The following PHC3 variants were observed in gnomAD, a reference collection of about 807,000 sequenced individuals.
PHC3 encodes polyhomeotic-like protein 3.
Under a neutral mutation model 107.4 loss-of-function variants are expected in PHC3, and 13 were observed. The observed-to-expected ratio is 0.12, with a 90% CI of 0.08 to 0.19. The LOEUF is 0.19. Among genes scored for constraint, PHC3 ranks in the 10% least tolerant of loss-of-function variants. The probability of loss-of-function intolerance (pLI) is 1.00; values close to 1 mark genes in which losing one functional copy is unlikely to be tolerated. For missense variants in PHC3, 992 were observed against 1,210.9 expected, an observed-to-expected ratio of 0.82 and a Z score of 2.68; for synonymous variants, 456 against 427.4, an observed-to-expected ratio of 1.07 and a Z score of -0.83.
At chr3:170,126,934 GTTTTTA>G (rs1721407954) in intron 8 of PHC3, among the ~76,000 whole-genome samples, 1 of 150,690 alleles carries the variant, frequency 6.6e-6, no homozygotes. Flanking sequence ...TTTTTTGTTT[GTTTTTA>G]TTTTTAAATT....
intron 14 of PHC3, among the ~76,000 whole-genome samples, chr3:170,099,069 AAGAT>A (rs1715037939): frequency 6.6e-6 from 1 of 152,158 alleles, no homozygotes; most frequent in African/African-American, 2.4e-5. Flanking sequence ...AAGAGAGAGA[AAGAT>A]AGGGTGGGAC....
At chr3:170,139,487 T>C (rs1315047120) in intron 6 of PHC3, among the ~76,000 whole-genome samples, 2 of 152,184 alleles carry the variant, frequency 1.3e-5, no homozygotes, top group Non-Finnish European at 2.9e-5. Context: ...CTGAAAAACC[T>C]GAAATGAAAA....
At position 170,151,333 on chromosome 3, in the gene PHC3, T is replaced by A. The variant is rs546522171; in HGVS notation, c.415-2089A>T. 2.0e-5 allele frequency among the ~76,000 whole-genome samples: 3 copies of A among 152,192 alleles called. No homozygotes were observed. In the South Asian group the frequency reaches 6.2e-4, roughly 32 times the overall value. The stretch of plus-strand genomic sequence containing the variant: ...AATATTTTATTAGAAAAAAGAATAC[T>A]TTATTGGACTTCTTATTCAAGCAAC... On this transcript the variant is annotated intron_variant, in intron 4 of 14. Transcript: ENST00000495893.
intron 8 of PHC3, chr3:170,125,860 G>A (rs559355168): frequency 2.0e-4 from 67 of 334,128 alleles, no homozygotes; most frequent in African/African-American, 1.4e-3. Flanking sequence ...GCAAAGTGGA[G>A]GTTTTGCTCA....
chr3:170,125,831 A>T, intron 8 of PHC3: 1 of 197,048 alleles, frequency 5.1e-6, no homozygotes, highest in Non-Finnish European at 9.2e-6. Flanking sequence ...AATGTTCAAC[A>T]ATTAAAATGT....
intron 10 of PHC3, chr3:170,117,005 T>G (rs1268931806): frequency 9.4e-6 from 5 of 531,904 alleles, no homozygotes; most frequent in Non-Finnish European, 1.6e-5. Flanking sequence ...TCCTGAAATT[T>G]TTTTCATTTT....
chr3:170,150,815 CA>C, intron 4 of PHC3: 1 of 304,238 alleles, frequency 3.3e-6, no homozygotes, highest in South Asian at 2.5e-5. Context: ...TATAAAGAGA[CA>C]TTGGAGTGGG....
rs1215416854 is a variant in PHC3, at chr3:170,172,569, A to C, written c.324T>G (p.Leu108=). The change falls in exon 3 of 15, where the codon CTT becomes CTG. Residue 108 remains leucine (L), a synonymous_variant. Transcript: ENST00000495893. ...QHLSSSQLQS[L]AAVQASLSSG... ...ATTTTAGTCTTACCTGAACAGCAGC[A>C]AGGCTCTGAAGCTGGGAGCTGCTTA... 1 of 1,612,942 alleles carries C rather than the reference A, an allele frequency of 6.2e-7. No individual in the cohort carries two copies. The highest frequency in any genetic ancestry group is 8.5e-7 in the Non-Finnish European group (1 of 1,179,644).
chr3:170,147,694 C>G (rs1021248315), intron 5 of PHC3: 6 of 152,158 alleles, frequency 3.9e-5, no homozygotes, highest in Non-Finnish European at 5.9e-5. Flanking sequence ...TGAGCATCCT[C>G]AGATTTGGGT....
chr3:170,123,053 C>T (rs182511923), intron 8 of PHC3, among the ~76,000 whole-genome samples: 20 of 152,000 alleles, frequency 1.3e-4, no homozygotes, highest in African/African-American at 3.4e-4. Flanking sequence ...AATAAAATAA[C>T]GATTTTGGGA....
At chr3:170,125,329 A>C (rs1721076530) in intron 8 of PHC3, among the ~76,000 whole-genome samples, 1 of 152,220 alleles carries the variant, frequency 6.6e-6, no homozygotes, top group African/African-American at 2.4e-5. Flanking sequence ...CCCCAAGGGC[A>C]AGTGCTGTCA....
At chr3:170,154,553 G>A (rs1726581965) in intron 4 of PHC3, among the ~76,000 whole-genome samples, 1 of 152,116 alleles carries the variant, frequency 6.6e-6, no homozygotes, top group South Asian at 2.1e-4. Flanking sequence ...TTGGCTGATA[G>A]CTAACAAGCT....
chr3:170,124,144 G>C (rs947833517), intron 8 of PHC3, among the ~76,000 whole-genome samples: 1 of 151,528 alleles, frequency 6.6e-6, no homozygotes, highest in African/African-American at 2.4e-5. Context: ...CACCGCACCC[G>C]GCCAATACCT....
chr3:170,120,203 C>T (rs1251730826), intron 9 of PHC3, among the ~76,000 whole-genome samples: 2 of 151,860 alleles, frequency 1.3e-5, no homozygotes, highest in African/African-American at 2.4e-5. Flanking sequence ...CCAGTTAATC[C>T]GCAGCAACAT....
At chr3:170,169,188 C>T (rs1367541948) in intron 4 of PHC3, among the ~76,000 whole-genome samples, 1 of 152,200 alleles carries the variant, frequency 6.6e-6, no homozygotes, top group Non-Finnish European at 1.5e-5. Context: ...AATAATATTC[C>T]ATTTCCCCAT....
At chr3:170,099,903 G>C (rs1005677088) in intron 14 of PHC3, among the ~76,000 whole-genome samples, 1 of 152,122 alleles carries the variant, frequency 6.6e-6, no homozygotes, top group African/African-American at 2.4e-5. Context: ...ATAAACAGAG[G>C]ACAAACTGAT....
chr3:170,168,121 C>T (rs185845766), intron 4 of PHC3, among the ~76,000 whole-genome samples: 95 of 152,038 alleles, frequency 6.2e-4, no homozygotes, highest in African/African-American at 2.1e-3. Context: ...ATGATCGTGC[C>T]ACTGCACTCC....
chr3:170,163,575 A>G (rs1320887130), intron 4 of PHC3, among the ~76,000 whole-genome samples: 1 of 151,954 alleles, frequency 6.6e-6, no homozygotes, highest in Non-Finnish European at 1.5e-5. Flanking sequence ...ATAGAAATGC[A>G]TAGTCCGCCG....
intron 4 of PHC3, among the ~76,000 whole-genome samples, chr3:170,159,485 T>G (rs1378885484): frequency 1.3e-5 from 2 of 151,872 alleles, no homozygotes; most frequent in African/African-American, 4.8e-5. Context: ...AGTGAAAAGG[T>G]AAACAAGATA....
Sources: gnomAD v4.1 joint callset for allele counts (sites outside exome capture counted in the v4.1 genomes callset) on GRCh38, gnomAD v4.1.1 for gene constraint, MANE v1.5 for transcripts, NCBI Gene and HGNC (gene_info 2026-07-23, HGNC 2026-07-21) for gene names.